The following NEBL variants were observed in gnomAD, a reference collection of about 807,000 sequenced individuals.
NEBL encodes LIM and SH3 protein 2.
Under a neutral mutation model 140.2 loss-of-function variants are expected in NEBL, and 122 were observed. That is an observed-to-expected ratio of 0.87 (90% CI 0.75 to 1.01). The LOEUF (loss-of-function observed/expected upper bound fraction) is 1.01. Ranked by LOEUF, NEBL falls within the 50% of genes least tolerant of loss-of-function variation. The pLI is 0.00. For missense variants in NEBL, 1,365 were observed against 1,231.3 expected, an observed-to-expected ratio of 1.11 and a Z score of -1.62; for synonymous variants, 436 against 398.9, an observed-to-expected ratio of 1.09 and a Z score of -1.11.
chr10:21,138,123 A>C (rs769677170), intron 2 of NEBL, among the ~76,000 whole-genome samples: 17 of 152,152 alleles, frequency 1.1e-4, no homozygotes, highest in Non-Finnish European at 2.4e-4. Flanking sequence ...AGAACAAGGT[A>C]GGAGGGAGCA....
intron 27 of NEBL, among the ~76,000 whole-genome samples, 182 bp from the exon 28 acceptor site, chr10:20,786,105 A>C (rs530931748): frequency 2.0e-5 from 3 of 152,304 alleles, no homozygotes; most frequent in South Asian, 2.1e-4. Context: ...AGTCTAGCAA[A>C]TAGCTTAATA....
chr10:21,125,866 T>G, intron 2 of NEBL: 1 of 1,613,850 alleles, frequency 6.2e-7, no homozygotes, highest in Non-Finnish European at 8.5e-7. Context: ...TACGTTGAAC[T>G]TTTCTTTTAT....
At chr10:21,213,656 G>C (rs958566066) in intron 3 of NEBL, among the ~76,000 whole-genome samples, 2 of 152,174 alleles carry the variant, frequency 1.3e-5, no homozygotes, top group African/African-American at 4.8e-5. Flanking sequence ...GCAGGAGAAG[G>C]CCTGGGGCGA....
intron 3 of NEBL, among the ~76,000 whole-genome samples, chr10:21,244,015 A>C (rs922755904): frequency 1.3e-5 from 2 of 152,084 alleles, no homozygotes; most frequent in African/African-American, 4.8e-5. Context: ...AAGAAAGGAA[A>C]GAAAGGCATG....
At chr10:21,115,729 T>A (rs1480748358) in intron 2 of NEBL, among the ~76,000 whole-genome samples, 1 of 152,082 alleles carries the variant, frequency 6.6e-6, no homozygotes, top group Non-Finnish European at 1.5e-5. Flanking sequence ...AAATTTTGGG[T>A]CTGTGGGATG....
intron 11 of NEBL, 137 bp from the exon 12 acceptor site, chr10:20,845,505 G>T: frequency 1.7e-6 from 1 of 602,216 alleles, no homozygotes; most frequent in Admixed American, 2.9e-5. Context: ...CTATCAACAG[G>T]GAAATAAGTT....
intron 2 of NEBL, among the ~76,000 whole-genome samples, chr10:20,896,740 T>C (rs1255925489): frequency 6.6e-6 from 1 of 151,998 alleles, no homozygotes; most frequent in African/African-American, 2.4e-5. Context: ...GGGACAGGAT[T>C]CTGGATTAAG....
intron 11 of NEBL, among the ~76,000 whole-genome samples, chr10:20,847,482 T>C (rs1273285387): frequency 6.6e-6 from 1 of 152,186 alleles, no homozygotes; most frequent in Non-Finnish European, 1.5e-5. Context: ...ATATTAATCA[T>C]GAATTATAAG....
chr10:20,806,637 C>T (rs1314047681), intron 26 of NEBL, among the ~76,000 whole-genome samples: 1 of 152,200 alleles, frequency 6.6e-6, no homozygotes, highest in Non-Finnish European at 1.5e-5. Flanking sequence ...TAAGTGTCTG[C>T]TAAATGTCAA....
chr10:20,945,167 C>T (rs1374624287), intron 4 of NEBL, among the ~76,000 whole-genome samples: 2 of 152,174 alleles, frequency 1.3e-5, no homozygotes, highest in Non-Finnish European at 2.9e-5. Flanking sequence ...TTTTGCCACC[C>T]ACCATTCACC....
chr10:20,934,695 C>A (rs1218765208), intron 4 of NEBL, among the ~76,000 whole-genome samples: 1 of 152,118 alleles, frequency 6.6e-6, no homozygotes, highest in East Asian at 1.9e-4. Context: ...CCCTTTTAAG[C>A]CCCCTCTCTG....
At chr10:21,122,863 CT>C (rs1344545472) in intron 2 of NEBL, among the ~76,000 whole-genome samples, 6 of 152,142 alleles carry the variant, frequency 3.9e-5, no homozygotes, top group Non-Finnish European at 8.8e-5. Context: ...GTATTCCCTC[CT>C]TGTATATGCC....
intron 25 of NEBL, 24 bp from the exon 26 acceptor site, chr10:20,808,683 C>T (rs767805020): frequency 1.2e-6 from 2 of 1,606,218 alleles, no homozygotes; most frequent in Non-Finnish European, 1.7e-6. Flanking sequence ...AAAATATTTA[C>T]ACGTGTGATT....
At position 20,982,172 on chromosome 10, in the gene NEBL, C is replaced by T. The variant is rs189457100; in HGVS notation, c.250-20393G>A. 3.8e-4 allele frequency among the ~76,000 whole-genome samples: 58 copies of T among 152,264 alleles called. 2 individuals carry two copies. In the East Asian group the frequency reaches 0.01, roughly 27 times the overall value. ...TCCTAAACAGCGGGTACTCAAAAAT[C>T]ATTTGCATATGGTTTAGGAATGCAT... On this transcript the variant is annotated intron_variant, in intron 3 of 6. Transcript: ENST00000417816.
rs201562096 is a variant in NEBL at position 21,160,865 on chromosome 10, A to G, written c.164+11518T>C. Among the ~76,000 whole-genome samples the G allele has an allele frequency of 4.8e-3, 199 of 41,744 alleles. 1 individual carries two copies. The highest frequency in any genetic ancestry group is 0.018 in the African/African-American group (26 of 1,472). 27.4% of individuals were successfully genotyped at this position (41,744 alleles called of 152,430 possible). On this transcript the variant is annotated intron_variant, in intron 2 of 6. Transcript: ENST00000417816. ...AGCCATCAAACTTATTTCCAGGGGG[A>G]AAAAAAAAAAAAACATGATATGCAA...
chr10:21,004,299 T>A (rs188416640), intron 3 of NEBL, among the ~76,000 whole-genome samples: 4 of 152,190 alleles, frequency 2.6e-5, no homozygotes, highest in Admixed American at 1.3e-4. Context: ...AAAATAAAAA[T>A]TCAAAGCCAT....
chr10:21,175,659 C>T (rs917738383), upstream of NEBL, among the ~76,000 whole-genome samples: 3 of 152,226 alleles, frequency 2.0e-5, no homozygotes, highest in African/African-American at 7.2e-5. Context: ...AATTCAACAG[C>T]CCCTGAGCCA....
At chr10:20,993,492 T>C (rs1053293343) in intron 3 of NEBL, among the ~76,000 whole-genome samples, 1 of 152,228 alleles carries the variant, frequency 6.6e-6, no homozygotes, top group Non-Finnish European at 1.5e-5. Context: ...CATTCACGCG[T>C]CTTGCTCATG....
At chr10:20,875,363 A>C (rs903284098) in intron 5 of NEBL, among the ~76,000 whole-genome samples, 2 of 151,422 alleles carry the variant, frequency 1.3e-5, no homozygotes, top group African/African-American at 4.9e-5. Context: ...CTACATCAAC[A>C]CTCCCTTTTA....
Sources: allele counts gnomAD v4.1 joint callset (sites outside exome capture counted in the v4.1 genomes callset), GRCh38; gene constraint gnomAD v4.1.1; transcripts MANE v1.5; gene names NCBI Gene and HGNC (gene_info 2026-07-23, HGNC 2026-07-21).